RPGR: variants seen among roughly 807,000 people sequenced by gnomAD.
RPGR encodes the protein X-linked retinitis pigmentosa GTPase regulator.
Under a neutral mutation model 56.3 loss-of-function variants are expected in RPGR, and 10 were observed. That is an observed-to-expected ratio of 0.18 (90% confidence interval 0.11 to 0.30). RPGR has a LOEUF of 0.30. RPGR is among the 10% of genes least tolerant of loss of function. RPGR has a pLI of 1.00. For missense variants in RPGR, 538 were observed against 590.9 expected (o/e 0.91, Z 0.93); for synonymous variants, 197 against 212.9 (o/e 0.93, Z 0.65).
intron 7 of RPGR, among the ~76,000 whole-genome samples, chrX:38,309,312 G>A (rs1330256136): frequency 9.0e-6 from 1 of 111,395 alleles, no homozygotes; most frequent in Non-Finnish European, 1.9e-5. Flanking sequence ...TACTATAACA[G>A]AACATACAAC....
At chrX:38,276,793 AGAG>A (rs1468942312) in intron 15 of RPGR, 3 of 1,158,050 alleles carry the variant, frequency 2.6e-6, no homozygotes, top group Non-Finnish European at 2.4e-6. Context: ...ATTGACCATC[AGAG>A]AAGAGTAAGA....
chrX:38,316,960 C>A (rs1161153125), intron 6 of RPGR, among the ~76,000 whole-genome samples: 2 of 111,389 alleles, frequency 1.8e-5, no homozygotes, highest in Non-Finnish European at 3.8e-5. Context: ...TAGATATAGA[C>A]TATAACAGCT....
chrX:38,285,456 T>C, intron 15 of RPGR: 2 of 1,189,070 alleles, frequency 1.7e-6, no homozygotes, highest in Non-Finnish European at 1.1e-6. Context: ...ATAAAATCAA[T>C]TTAATAACAC....
intron 6 of RPGR, among the ~76,000 whole-genome samples, chrX:38,315,820 CATATAT>C (rs1175539921): frequency 1.1e-5 from 1 of 92,149 alleles, no homozygotes; most frequent in African/African-American, 4.2e-5. Flanking sequence ...CATATATATA[CATATAT>C]ATATATATAT....
At chrX:38,318,584 C>T (rs2067869707) in intron 5 of RPGR, among the ~76,000 whole-genome samples, 1 of 111,509 alleles carries the variant, frequency 9.0e-6, no homozygotes, top group Admixed American at 9.6e-5. Context: ...TAGCTTAGAG[C>T]TTATTTGCCA....
chrX:38,299,989 G>A, intron 9 of RPGR, among the ~76,000 whole-genome samples: 2 of 107,295 alleles, frequency 1.9e-5, no homozygotes, highest in East Asian at 2.9e-4. Flanking sequence ...TACTCTTCTC[G>A]CCCAGGCTGG....
chrX:38,309,231 C>T (rs1469945897), intron 7 of RPGR, among the ~76,000 whole-genome samples: 3 of 111,284 alleles, frequency 2.7e-5, no homozygotes, highest in African/African-American at 9.8e-5. Context: ...ATTCAGATCC[C>T]AAAAGTAACA....
chrX:38,310,688 G>C lies in RPGR; in HGVS notation c.705C>G (p.Pro235=). 8.3e-7 allele frequency: 1 copy of C among 1,210,575 alleles called. No individual in the cohort carries two copies. Among genetic ancestry groups the C allele is most frequent in the Non-Finnish European group, 1.1e-6 (1 of 894,737 alleles). ...TCTCCGGAATTTCAGACACCAGCTG[G>C]GGTGTTCTGTGATTGCCCAGGAGCT... Residue 235 remains proline (P), a synonymous_variant, in exon 7 of 19, where the codon CCC becomes CCG. Transcript: ENST00000642395.
chrX:38,293,510 G>A (rs991423075), intron 11 of RPGR, among the ~76,000 whole-genome samples: 1 of 112,137 alleles, frequency 8.9e-6, no homozygotes, highest in Non-Finnish European at 1.9e-5. Context: ...ATAAATATTA[G>A]GAATTCACTG....
At chrX:38,284,606 T>C (rs964102877) in intron 15 of RPGR, 1 of 744,252 alleles carries the variant, frequency 1.3e-6, no homozygotes, top group African/African-American at 2.3e-5. Flanking sequence ...AAAGCTGTCA[T>C]AACTTTTCAA....
chrX:38,318,287 A>G (rs1264160502), intron 5 of RPGR, among the ~76,000 whole-genome samples: 2 of 109,954 alleles, frequency 1.8e-5, no homozygotes, highest in Non-Finnish European at 3.8e-5. Context: ...ATAGAGTAAC[A>G]CCGGATGTTA....
At position 38,301,230 on chromosome X, in the gene RPGR, A is replaced by T; in HGVS notation, c.1059+17T>A. The T allele has an allele frequency of 3.4e-6, 4 of 1,176,019 alleles. No individual in the cohort carries two copies. The highest frequency in any genetic ancestry group is 4.6e-6 in the Non-Finnish European group (4 of 865,981). On this transcript the variant is annotated intron_variant, in intron 9 of 18. Coordinates refer to ENST00000642395, the MANE Select transcript of RPGR (RefSeq NM_000328.3). ...CAGTAATATGAAAATATAAACAGGG[A>T]AATGTGATGCCCTTACCAATTTAAC...
At position 38,302,394 on chromosome X, in the gene RPGR, A is replaced by T. The variant is rs148875217; in HGVS notation, c.935-1023T>A. 6.3e-5 allele frequency among the ~76,000 whole-genome samples: 7 copies of T among 111,564 alleles called. No individual in the cohort carries two copies. The East Asian group carries it at 1.7e-3, about 27-fold the overall frequency. ...CAGGCAGAGTCAGCAGTACATAGAA[A>T]GCCTCTGAATCAAGAGCAAACGTGG... On this transcript the variant is annotated intron_variant, in intron 8 of 18. Transcript: ENST00000642395.
intron 11 of RPGR, among the ~76,000 whole-genome samples, chrX:38,294,313 T>C (rs2067341440): frequency 9.0e-6 from 1 of 111,399 alleles, no homozygotes; most frequent in South Asian, 3.8e-4. Context: ...TTCTTAGGGA[T>C]ACATTCTGGG....
In RPGR at chrX:38,306,688, A is replaced by T. The variant is rs1017677139; in HGVS notation, c.779-1898T>A. Among the ~76,000 whole-genome samples the T allele has an allele frequency of 2.7e-5, 3 of 112,433 alleles. No homozygotes were observed. In the Admixed American group the frequency reaches 2.8e-4, roughly 11 times the overall value. ...GTAGAATATTGGGTAAATTAAAGCAATTATCTATCTCTAGCTGACCAACAA... is the reference window on the plus strand; with the variant it reads ...GTAGAATATTGGGTAAATTAAAGCATTTATCTATCTCTAGCTGACCAACAA... On this transcript the variant is annotated intron_variant, in intron 7 of 18. Coordinates refer to ENST00000642395, the MANE Select transcript of RPGR (RefSeq NM_000328.3).
intron 11 of RPGR, among the ~76,000 whole-genome samples, chrX:38,291,759 C>T (rs1183015376): frequency 2.7e-5 from 3 of 111,647 alleles, no homozygotes; most frequent in Non-Finnish European, 5.6e-5. Context: ...AAATAACTAC[C>T]CAGGTATCAA....
At chrX:38,309,162 AGT>A (rs2067661144) in intron 7 of RPGR, among the ~76,000 whole-genome samples, 1 of 112,296 alleles carries the variant, frequency 8.9e-6, no homozygotes, top group Non-Finnish European at 1.9e-5. Flanking sequence ...GCAAGTAGTG[AGT>A]ATATTTCAAT....
intron 15 of RPGR, among the ~76,000 whole-genome samples, chrX:38,280,268 A>C (rs1279326261): frequency 8.9e-6 from 1 of 112,146 alleles, no homozygotes; most frequent in Admixed American, 9.5e-5. Flanking sequence ...CTTAGTGTGC[A>C]TTGAGGACTG....
At chrX:38,296,646 G>A (rs1446356948) in intron 11 of RPGR, among the ~76,000 whole-genome samples, 1 of 111,566 alleles carries the variant, frequency 9.0e-6, no homozygotes, top group Non-Finnish European at 1.9e-5. Flanking sequence ...TATTTTATAT[G>A]CCTGATCTCA....
Sources: gnomAD v4.1 joint callset for allele counts (sites outside exome capture counted in the v4.1 genomes callset) on GRCh38, gnomAD v4.1.1 for gene constraint, MANE v1.5 for transcripts, NCBI Gene and HGNC (gene_info 2026-07-23, HGNC 2026-07-21) for gene names.